MICAL2: variants seen among roughly 807,000 people sequenced by gnomAD.
MICAL2 encodes [F-actin]-monooxygenase MICAL2.
Under a neutral mutation model 127.3 loss-of-function variants are expected in MICAL2, and 77 were observed. The observed-to-expected ratio is 0.60, with a 90% CI of 0.50 to 0.73. The LOEUF is 0.73. Among genes scored for constraint, MICAL2 ranks in the 30% least tolerant of loss-of-function variants. MICAL2 has a pLI of 0.00. For synonymous variants in MICAL2, 570 were observed against 551.1 expected, an observed-to-expected ratio of 1.03 and a Z score of -0.48; for missense variants, 1,351 against 1,434.4, an observed-to-expected ratio of 0.94 and a Z score of 0.94.
chr11:12,248,750 G>GACCTGGCAGGAGGATAAATCTCAGGGAC (rs1861120938), intron 21 of MICAL2, among the ~76,000 whole-genome samples: 1 of 149,652 alleles, frequency 6.7e-6, no homozygotes, highest in Non-Finnish European at 1.5e-5. Flanking sequence ...GCCTTTGTTT[G>GACCTGGCAGGAGGATAAATCTCAGGGAC]ACCTGGTAGG....
intron 11 of MICAL2, 33 bp downstream of exon 11, chr11:12,222,776 C>G: frequency 6.2e-7 from 1 of 1,613,544 alleles, no homozygotes; most frequent in Non-Finnish European, 8.5e-7. Context: ...GTCTGAATCA[C>G]TCTGCACTGA....
chr11:12,255,485 G>A (rs970132525), intron 22 of MICAL2, 158 bp from the exon 23 acceptor site: 57 of 630,966 alleles, frequency 9.0e-5, no homozygotes, highest in Admixed American at 3.8e-4. Flanking sequence ...GAATCCCCGC[G>A]TTCTGCTCCT....
intron 29 of MICAL2, among the ~76,000 whole-genome samples, chr11:12,312,488 C>A (rs77863661): frequency 1.6e-3 from 247 of 152,218 alleles, no homozygotes; most frequent in African/African-American, 5.7e-3. Context: ...CGATCCACAG[C>A]GTGTTTAGAA....
intron 26 of MICAL2, chr11:12,261,517 C>A (rs1330738723): frequency 4.6e-5 from 45 of 985,318 alleles, no homozygotes; most frequent in Non-Finnish European, 5.2e-5. Flanking sequence ...ATCAAGGGGC[C>A]GCCAGAGAAA....
At chr11:12,160,742 C>G (rs1854687719) in intron 2 of MICAL2, among the ~76,000 whole-genome samples, 1 of 152,224 alleles carries the variant, frequency 6.6e-6, no homozygotes, top group Non-Finnish European at 1.5e-5. Flanking sequence ...GGTTCATATT[C>G]CACAAGCACT....
intron 29 of MICAL2, among the ~76,000 whole-genome samples, chr11:12,300,886 C>G (rs1205107125): frequency 6.6e-6 from 1 of 152,152 alleles, no homozygotes; most frequent in Non-Finnish European, 1.5e-5. Flanking sequence ...ATAGAAAAAC[C>G]CATACAAGTA....
chr11:12,353,183 G>A (rs116256657), intron 33 of MICAL2, among the ~76,000 whole-genome samples: 181 of 152,264 alleles, frequency 1.2e-3, no homozygotes, highest in African/African-American at 4.1e-3. Context: ...GCACCTATAG[G>A]GGTGATGTGT....
intron 2 of MICAL2, among the ~76,000 whole-genome samples, chr11:12,282,587 A>C (rs1863784144): frequency 6.6e-6 from 1 of 152,248 alleles, no homozygotes; most frequent in South Asian, 2.1e-4. Flanking sequence ...CCATAATCCT[A>C]AACAGTTGCT....
chr11:12,141,316 G>A (rs1852330010), intron 2 of MICAL2, among the ~76,000 whole-genome samples: 1 of 152,140 alleles, frequency 6.6e-6, no homozygotes, highest in South Asian at 2.1e-4. Context: ...AGGAATTCAG[G>A]GAGGGGTGGA....
intron 12 of MICAL2, chr11:12,224,335 G>C (rs924444946): frequency 4.3e-6 from 1 of 234,642 alleles, no homozygotes; most frequent in Non-Finnish European, 8.4e-6. Flanking sequence ...ACAGCCCCCT[G>C]TTTCTCCCTC....
In MICAL2 at chr11:12,204,422, A is replaced by T. The variant is rs1590337160; in HGVS notation, c.437A>T (p.Tyr146Phe). The change falls in exon 4 of 28, where the codon TAT becomes TTT. Residue 146 changes from tyrosine (Y) to phenylalanine (F), a missense_variant. This residue lies in a region of MICAL2 where 599 missense variants were observed against 714.9 expected (regional missense o/e 0.84). Transcript: ENST00000683283. ...DLRGLGAKKFYGKFCAGSIDH... is the reference protein window; with the variant it reads ...DLRGLGAKKFFGKFCAGSIDH... ...CGTGGCCTGGGAGCCAAGAAGTTCT[A>T]TGGGAAGTTCTGTGCTGGCTCCATC... The T allele has an allele frequency of 6.2e-7, 1 of 1,614,152 alleles. No individual in the cohort carries two copies. The highest frequency in any genetic ancestry group is 1.1e-5 in the South Asian group (1 of 91,080).
intron 1 of MICAL2, among the ~76,000 whole-genome samples, chr11:12,133,576 T>C (rs977243): frequency 1.5e-3 from 231 of 151,826 alleles, no homozygotes; most frequent in African/African-American, 5.3e-3. Context: ...ACAGGGACTA[T>C]AGTCGTCCCT....
chr11:12,339,598 A>C (rs1938824913), intron 32 of MICAL2, among the ~76,000 whole-genome samples: 1 of 151,924 alleles, frequency 6.6e-6, no homozygotes, highest in South Asian at 2.1e-4. Flanking sequence ...TTGGTCTTTG[A>C]TGATGGTGAT....
chr11:12,147,186 G>C (rs549733871), intron 2 of MICAL2, among the ~76,000 whole-genome samples: 2 of 151,628 alleles, frequency 1.3e-5, no homozygotes, highest in Admixed American at 6.6e-5. Flanking sequence ...TTGTGCACAT[G>C]TACCCTAGCA....
At chr11:12,186,422 G>A (rs1293008656) in intron 3 of MICAL2, among the ~76,000 whole-genome samples, 1 of 152,112 alleles carries the variant, frequency 6.6e-6, no homozygotes, top group Admixed American at 6.5e-5. Flanking sequence ...ATTTGTAAAA[G>A]GCATCATAAT....
intron 1 of MICAL2, among the ~76,000 whole-genome samples, chr11:12,137,446 G>A (rs1235083037): frequency 1.3e-5 from 2 of 152,208 alleles, no homozygotes; most frequent in African/African-American, 4.8e-5. Flanking sequence ...TCTGTGAGGA[G>A]CCACTGAGAT....
At chr11:12,297,762 G>C (rs1864003114) in intron 29 of MICAL2, among the ~76,000 whole-genome samples, 1 of 151,798 alleles carries the variant, frequency 6.6e-6, no homozygotes, top group South Asian at 2.1e-4. Context: ...AAAAATCAGT[G>C]AATAATCTCT....
intron 3 of MICAL2, among the ~76,000 whole-genome samples, chr11:12,172,179 A>G (rs539912891): frequency 2.0e-4 from 30 of 152,328 alleles, no homozygotes; most frequent in African/African-American, 7.2e-4. Context: ...CTCTAGCTAC[A>G]TACATCTCTT....
rs1849918687 is a variant in MICAL2 at position 12,115,369 on chromosome 11, T to C, written c.-149+4643T>C. ...GGGGTGCTGGACACCTCGATAGGTG[T>C]CTTTTACCCATCCAGTAATGGCCCT... On this transcript the variant is annotated intron_variant, in intron 1 of 27. Transcript: ENST00000683283. 2.0e-5 allele frequency among the ~76,000 whole-genome samples: 3 copies of C among 152,358 alleles called. No homozygotes were observed. The South Asian group carries it at 6.2e-4, about 32-fold the overall frequency.
Sources: allele counts gnomAD v4.1 joint callset (sites outside exome capture counted in the v4.1 genomes callset), GRCh38; gene constraint gnomAD v4.1.1; regional missense constraint gnomAD v4.1.1; transcripts MANE v1.5; gene names NCBI Gene and HGNC (gene_info 2026-07-23, HGNC 2026-07-21).